The following EPHB1 variants were observed in gnomAD, a reference collection of about 807,000 sequenced individuals.
The protein encoded by EPHB1 is ephrin type-B receptor 1.
Under a neutral mutation model 94.4 loss-of-function variants are expected in EPHB1, and 30 were observed. That is an observed-to-expected ratio of 0.32 (90% CI 0.24 to 0.43). EPHB1 has a LOEUF of 0.43. Among genes scored for constraint, EPHB1 ranks in the 20% least tolerant of loss-of-function variants. The pLI is 1.00. For synonymous variants in EPHB1, 522 were observed against 489.1 expected, an observed-to-expected ratio of 1.07 and a Z score of -0.89; for missense variants, 1,055 against 1,308.3, an observed-to-expected ratio of 0.81 and a Z score of 2.99.
At chr3:134,804,981 G>C (rs906360516) in intron 1 of EPHB1, among the ~76,000 whole-genome samples, 2 of 152,234 alleles carry the variant, frequency 1.3e-5, no homozygotes, top group African/African-American at 2.4e-5. Context: ...TACCTTATCT[G>C]TGAAAGGCAG....
At chr3:135,015,576 G>C (rs1307645480) in intron 3 of EPHB1, among the ~76,000 whole-genome samples, 2 of 152,130 alleles carry the variant, frequency 1.3e-5, no homozygotes, top group Non-Finnish European at 2.9e-5. Flanking sequence ...GGGCATCTAG[G>C]TCTCTGGGAG....
chr3:135,175,656 C>G (rs745839430), intron 9 of EPHB1, among the ~76,000 whole-genome samples: 2 of 151,796 alleles, frequency 1.3e-5, no homozygotes, highest in Non-Finnish European at 2.9e-5. Flanking sequence ...TAATTGGAAA[C>G]TATAAAATAT....
intron 12 of EPHB1, among the ~76,000 whole-genome samples, chr3:135,219,340 A>G (rs1263702830): frequency 6.6e-6 from 1 of 152,076 alleles, no homozygotes; most frequent in Non-Finnish European, 1.5e-5. Flanking sequence ...AGATGTAATC[A>G]AGTTAAGAAT....
At chr3:135,064,318 G>C (rs959856436) in intron 3 of EPHB1, among the ~76,000 whole-genome samples, 1 of 152,020 alleles carries the variant, frequency 6.6e-6, no homozygotes, top group Admixed American at 6.6e-5. Context: ...CTGTGAATCT[G>C]TCTGGTCCTG....
chr3:135,238,819 A>G (rs11719703), intron 12 of EPHB1, among the ~76,000 whole-genome samples: 55,381 of 151,964 alleles, frequency 0.36, 10,568 homozygotes, highest in South Asian at 0.55. Context: ...TATTTTGAGA[A>G]AACCAAAGCC....
At chr3:134,978,061 C>T in intron 3 of EPHB1, 1 of 443,688 alleles carries the variant, frequency 2.3e-6, no homozygotes, top group South Asian at 1.6e-5. Flanking sequence ...CTGCATCCAC[C>T]CCCTCTGAGG....
At chr3:135,129,119 A>G (rs1276099499) in intron 4 of EPHB1, among the ~76,000 whole-genome samples, 2 of 151,636 alleles carry the variant, frequency 1.3e-5, no homozygotes, top group Non-Finnish European at 1.5e-5. Context: ...TGAAAAGCAC[A>G]CATGAATGGG....
intron 3 of EPHB1, among the ~76,000 whole-genome samples, chr3:134,977,195 C>T (rs1934224490): frequency 1.3e-5 from 2 of 152,166 alleles, no homozygotes; most frequent in South Asian, 2.1e-4. Context: ...TTGTGCTTCA[C>T]ACTCCTCAAG....
At chr3:135,240,447 G>GAAAC (rs989607695) in intron 12 of EPHB1, among the ~76,000 whole-genome samples, 1 of 152,156 alleles carries the variant, frequency 6.6e-6, no homozygotes, top group African/African-American at 2.4e-5. Context: ...GCAAGAAGGA[G>GAAAC]AAACAAGCCT....
chr3:135,119,175 G>C (rs1484219532), intron 4 of EPHB1, among the ~76,000 whole-genome samples: 2 of 152,112 alleles, frequency 1.3e-5, no homozygotes, highest in Admixed American at 1.3e-4. Context: ...GGAATTGTCT[G>C]TTTATAACCC....
At chr3:134,913,541 T>A (rs959800175) in intron 1 of EPHB1, among the ~76,000 whole-genome samples, 1 of 152,186 alleles carries the variant, frequency 6.6e-6, no homozygotes, top group Admixed American at 6.5e-5. Flanking sequence ...TCCCAAGTGC[T>A]GTGGATGCGA....
chr3:135,146,756 A>C (rs372243908), intron 5 of EPHB1, among the ~76,000 whole-genome samples: 1 of 152,150 alleles, frequency 6.6e-6, no homozygotes, highest in South Asian at 2.1e-4. Flanking sequence ...CCTCTCAAAG[A>C]TATTTATCAG....
At chr3:135,216,156 A>G (rs908941134) in intron 12 of EPHB1, among the ~76,000 whole-genome samples, 3 of 152,132 alleles carry the variant, frequency 2.0e-5, no homozygotes, top group African/African-American at 4.8e-5. Flanking sequence ...CCACCCAGCC[A>G]TCACGTTGTC....
intron 3 of EPHB1, among the ~76,000 whole-genome samples, chr3:135,090,806 G>A (rs1301258487): frequency 6.6e-6 from 1 of 152,208 alleles, no homozygotes; most frequent in Non-Finnish European, 1.5e-5. Flanking sequence ...CAGCCTCAAA[G>A]CTTTTGCTCT....
At chr3:134,843,278 G>A (rs535158555) in intron 1 of EPHB1, among the ~76,000 whole-genome samples, 2 of 152,092 alleles carry the variant, frequency 1.3e-5, no homozygotes, top group South Asian at 4.2e-4. Context: ...ATGTTTCTCT[G>A]TATGTTATTT....
At chr3:134,996,862 T>C (rs1216548149) in intron 3 of EPHB1, among the ~76,000 whole-genome samples, 2 of 152,174 alleles carry the variant, frequency 1.3e-5, no homozygotes, top group African/African-American at 4.8e-5. Context: ...TTGTCATGTA[T>C]ATTTCATTTC....
chr3:134,891,966 A>G (rs1290173470), intron 1 of EPHB1, among the ~76,000 whole-genome samples: 2 of 152,232 alleles, frequency 1.3e-5, no homozygotes, highest in African/African-American at 4.8e-5. Context: ...TGTAGCTCAT[A>G]TCATTCTCTC....
chr3:135,259,468 G>C lies in EPHB1; in HGVS notation c.*348G>C, dbSNP rs1199822345. ...CCAACCACAGGAAGAAAGGGAAGGA[G>C]GTAGAGGGAAGAAACAGAAGCAGTG... On this transcript the variant is annotated 3_prime_UTR_variant, in exon 16 of 16. Transcript: ENST00000398015. 1 of 228,704 alleles carries C rather than the reference G, an allele frequency of 4.4e-6. No homozygotes were observed. Among genetic ancestry groups the C allele is most frequent in the African/African-American group, 2.2e-5 (1 of 44,644 alleles). The allele number at this position is 228,704 out of a possible 1,614,324, so 14.2% of individuals were successfully genotyped here.
chr3:134,844,074 G>T (rs1254566800), intron 1 of EPHB1, among the ~76,000 whole-genome samples: 1 of 152,208 alleles, frequency 6.6e-6, no homozygotes, highest in Non-Finnish European at 1.5e-5. Flanking sequence ...TTTGTTGGTT[G>T]AGTAACTTGC....
Sources: allele counts gnomAD v4.1 joint callset (sites outside exome capture counted in the v4.1 genomes callset), GRCh38; gene constraint gnomAD v4.1.1; transcripts MANE v1.5; gene names NCBI Gene and HGNC (gene_info 2026-07-23, HGNC 2026-07-21).